The following KATNBL1 variants were observed in gnomAD, a reference collection of about 807,000 sequenced individuals.
The protein encoded by KATNBL1 is katanin regulatory subunit B1 like 1, also known as KATNB1-like protein 1.
A neutral mutation model predicts 44.7 loss-of-function variants in KATNBL1; 28 were observed. The observed-to-expected ratio is 0.63, with a 90% CI of 0.46 to 0.86. The LOEUF is 0.86. KATNBL1 is among the 40% of genes least tolerant of loss of function. KATNBL1 has a pLI of 0.00. For synonymous variants in KATNBL1, 78 were observed against 114.9 expected, an observed-to-expected ratio of 0.68 and a Z score of 2.06; for missense variants, 272 against 350.7, an observed-to-expected ratio of 0.78 and a Z score of 1.79.
At chr15:34,197,023 A>C (rs570237857) in intron 1 of KATNBL1, among the ~76,000 whole-genome samples, 13 of 152,334 alleles carry the variant, frequency 8.5e-5, no homozygotes, top group Non-Finnish European at 1.9e-4. Context: ...GGGAACTAAG[A>C]AGCTTGGCAA....
intron 4 of KATNBL1, among the ~76,000 whole-genome samples, chr15:34,149,428 C>CTTT (rs574775758): frequency 4.1e-5 from 6 of 145,172 alleles, no homozygotes; most frequent in African/African-American, 1.5e-4. Flanking sequence ...ACAGATCAAG[C>CTTT]TTTTTTTTTT....
chr15:34,148,583 G>A, intron 5 of KATNBL1, 49 bp downstream of exon 5: 1 of 1,084,936 alleles, frequency 9.2e-7, no homozygotes, highest in East Asian at 2.4e-5. Flanking sequence ...GCAAGAACTT[G>A]TCTCAGAAAA....
intron 9 of KATNBL1, among the ~76,000 whole-genome samples, chr15:34,144,634 G>A (rs187583987): frequency 2.6e-5 from 4 of 150,986 alleles, no homozygotes; most frequent in East Asian, 2.0e-4. Context: ...GCAATGGCAC[G>A]ATCTCAGCTC....
chr15:34,177,508 G>T (rs1889370250), intron 1 of KATNBL1, among the ~76,000 whole-genome samples: 1 of 151,692 alleles, frequency 6.6e-6, no homozygotes, highest in South Asian at 2.1e-4. Flanking sequence ...GCTGAGCATG[G>T]TGGTACACGC....
intron 4 of KATNBL1, among the ~76,000 whole-genome samples, chr15:34,151,116 G>A (rs756907886): frequency 3.3e-5 from 5 of 152,082 alleles, no homozygotes; most frequent in Non-Finnish European, 7.4e-5. Flanking sequence ...ATTCCTTTGG[G>A]TATATATCCA....
chr15:34,195,330 T>A (rs1889999564), intron 1 of KATNBL1, among the ~76,000 whole-genome samples: 1 of 152,068 alleles, frequency 6.6e-6, no homozygotes, highest in African/African-American at 2.4e-5. Context: ...TTATCTCAAG[T>A]AAAACAACTC....
At chr15:34,155,894 G>T (rs1465670518) in intron 2 of KATNBL1, among the ~76,000 whole-genome samples, 2 of 152,152 alleles carry the variant, frequency 1.3e-5, no homozygotes, top group African/African-American at 2.4e-5. Flanking sequence ...AATTTATTTG[G>T]TACTCCTCGT....
chr15:34,176,969 T>C (rs1462715247), intron 1 of KATNBL1, among the ~76,000 whole-genome samples: 1 of 152,156 alleles, frequency 6.6e-6, no homozygotes, highest in Non-Finnish European at 1.5e-5. Context: ...AAGTGCTATT[T>C]GATAATACAC....
intron 1 of KATNBL1, among the ~76,000 whole-genome samples, chr15:34,207,589 G>A (rs528103018): frequency 2.9e-4 from 43 of 150,398 alleles, no homozygotes; most frequent in African/African-American, 1.1e-3. Flanking sequence ...TCCTCCTACC[G>A]TTGGCCTCCC....
At chr15:34,150,239 G>A (rs1035108092) in intron 4 of KATNBL1, among the ~76,000 whole-genome samples, 11 of 152,220 alleles carry the variant, frequency 7.2e-5, no homozygotes, top group African/African-American at 2.2e-4. Context: ...AGAGGTTCTT[G>A]AGAAAGATGT....
At position 34,193,605 on chromosome 15, in the gene KATNBL1, A is replaced by C. The variant is rs143036798; in HGVS notation, c.-15+16346T>G. 4.6e-5 allele frequency among the ~76,000 whole-genome samples: 7 copies of C among 152,196 alleles called. No homozygotes were observed. In the East Asian group the frequency reaches 1.4e-3, roughly 29 times the overall value. ...GATAACTCATTCCTGTAATCCTAGCAATTTGGGAGACAAATGCAGTTGGGT... is the reference window on the plus strand; with the variant it reads ...GATAACTCATTCCTGTAATCCTAGCCATTTGGGAGACAAATGCAGTTGGGT... On this transcript the variant is annotated intron_variant, in intron 1 of 9. Transcript: ENST00000256544.
intron 1 of KATNBL1, among the ~76,000 whole-genome samples, chr15:34,206,844 T>G (rs1890306818): frequency 6.6e-6 from 1 of 151,770 alleles, no homozygotes; most frequent in Non-Finnish European, 1.5e-5. Context: ...ATTTAAAAAG[T>G]GTATGCTCCC....
intron 1 of KATNBL1, among the ~76,000 whole-genome samples, chr15:34,168,005 C>T (rs746503291): frequency 5.3e-5 from 8 of 152,118 alleles, no homozygotes; most frequent in East Asian, 1.9e-4. Flanking sequence ...TAAAGACCAT[C>T]GATGCTATGA....
chr15:34,199,208 G>C (rs954120643), intron 1 of KATNBL1, among the ~76,000 whole-genome samples: 1 of 152,192 alleles, frequency 6.6e-6, no homozygotes, highest in African/African-American at 2.4e-5. Context: ...GGAGGCTGAC[G>C]TGGGCGGATC....
At chr15:34,181,853 G>A (rs1889570881) in intron 1 of KATNBL1, among the ~76,000 whole-genome samples, 3 of 75,022 alleles carry the variant, frequency 4.0e-5, no homozygotes, top group Admixed American at 1.3e-4. Flanking sequence ...CATATATATA[G>A]TCCATATATA....
intron 1 of KATNBL1, among the ~76,000 whole-genome samples, chr15:34,197,977 ACCTCAGGTAAT>A (rs1890069788): frequency 6.6e-6 from 1 of 152,110 alleles, no homozygotes; most frequent in South Asian, 2.1e-4. Flanking sequence ...CAAACTCCTG[ACCTCAGGTAAT>A]CCATTCGCTG....
At chr15:34,149,626 T>C (rs1329466347) in intron 4 of KATNBL1, among the ~76,000 whole-genome samples, 2 of 152,216 alleles carry the variant, frequency 1.3e-5, no homozygotes, top group African/African-American at 2.4e-5. Flanking sequence ...GGTTTTGCCA[T>C]GTTGGCCAAG....
At chr15:34,206,402 G>A (rs1292123868) in intron 1 of KATNBL1, among the ~76,000 whole-genome samples, 14 of 152,154 alleles carry the variant, frequency 9.2e-5, no homozygotes, top group African/African-American at 2.7e-4. Flanking sequence ...TAAATATAAC[G>A]CAGAAGTCTC....
chr15:34,181,044 C>A (rs1255671707), intron 1 of KATNBL1, among the ~76,000 whole-genome samples: 1 of 152,164 alleles, frequency 6.6e-6, no homozygotes, highest in East Asian at 1.9e-4. Context: ...GATTTTCCTG[C>A]CACCAGTCTT....
Sources: gnomAD v4.1 joint callset for allele counts (sites outside exome capture counted in the v4.1 genomes callset) on GRCh38, gnomAD v4.1.1 for gene constraint, MANE v1.5 for transcripts, NCBI Gene and HGNC (gene_info 2026-07-23, HGNC 2026-07-21) for gene names.